HHAT: variants seen among roughly 807,000 people sequenced by gnomAD.
The protein encoded by HHAT is protein-cysteine N-palmitoyltransferase HHAT.
HHAT carries 47 observed loss-of-function variants against 70.8 expected under a neutral mutation model. The ratio of observed to expected loss-of-function variants is 0.66; its 90% CI spans 0.53 to 0.85. The LOEUF (loss-of-function observed/expected upper bound fraction) is 0.85. HHAT is among the 40% of genes least tolerant of loss of function. HHAT has a pLI of 0.00. For missense variants in HHAT, 609 were observed against 604.8 expected, an observed-to-expected ratio of 1.01 and a Z score of -0.07; for synonymous variants, 228 against 247.6, an observed-to-expected ratio of 0.92 and a Z score of 0.74.
chr1:210,607,742 T>TC lies in HHAT; in HGVS notation c.1246-15780dup, dbSNP rs529261489. On this transcript the variant is annotated intron_variant, in intron 10 of 11. Transcript: ENST00000261458. ...CTAGGTTTTCTTTTCTTTTTTTTTT[T>TC]CCCCGTTACTTCTTTTTAACTTAAT... 3.8e-3 allele frequency among the ~76,000 whole-genome samples: 583 copies of TC among 152,006 alleles called. 6 individuals carry two copies. Among genetic ancestry groups the TC allele is most frequent in the African/African-American group, 0.013 (549 of 41,446 alleles).
intron 9 of HHAT, among the ~76,000 whole-genome samples, chr1:210,543,398 A>G (rs762850252): frequency 1.2e-4 from 18 of 151,560 alleles, no homozygotes; most frequent in Non-Finnish European, 2.2e-4. Flanking sequence ...GAATTGTTCA[A>G]ATAATCTCTC....
At chr1:210,382,191 C>T (rs890958285) in intron 3 of HHAT, among the ~76,000 whole-genome samples, 1 of 152,184 alleles carries the variant, frequency 6.6e-6, no homozygotes, top group Non-Finnish European at 1.5e-5. Flanking sequence ...GGAATTTTTT[C>T]TTGTAACTTT....
intron 8 of HHAT, among the ~76,000 whole-genome samples, chr1:210,471,872 C>T (rs540511722): frequency 2.6e-5 from 4 of 152,226 alleles, no homozygotes; most frequent in South Asian, 4.1e-4. Flanking sequence ...TAGCAATTTT[C>T]AATGCATTGT....
intron 9 of HHAT, among the ~76,000 whole-genome samples, chr1:210,565,820 A>G (rs1206350163): frequency 6.6e-6 from 1 of 152,208 alleles, no homozygotes; most frequent in African/African-American, 2.4e-5. Context: ...GTTGTCTAAA[A>G]GTAGAAAGAC....
chr1:210,429,700 C>G (rs945556973), intron 7 of HHAT, among the ~76,000 whole-genome samples: 2 of 151,700 alleles, frequency 1.3e-5, no homozygotes, highest in African/African-American at 4.9e-5. Context: ...ATTGCTAAGT[C>G]AAATCACTTG....
At chr1:210,492,972 C>G (rs967462391) in intron 8 of HHAT, among the ~76,000 whole-genome samples, 3 of 152,002 alleles carry the variant, frequency 2.0e-5, no homozygotes, top group Non-Finnish European at 4.4e-5. Context: ...TAAATAGTTC[C>G]CTTTTCCCTT....
intron 6 of HHAT, among the ~76,000 whole-genome samples, chr1:210,412,870 T>C (rs2092605565): frequency 6.6e-6 from 1 of 152,156 alleles, no homozygotes; most frequent in African/African-American, 2.4e-5. Flanking sequence ...GAAATCTAGG[T>C]GGAGGCAGCC....
chr1:210,599,107 G>A (rs936258677), intron 10 of HHAT, among the ~76,000 whole-genome samples: 16 of 152,202 alleles, frequency 1.1e-4, no homozygotes, highest in African/African-American at 3.9e-4. Flanking sequence ...TATGGTGACA[G>A]AAATGTTAAT....
At chr1:210,637,812 A>T (rs1672159347) in intron 11 of HHAT, among the ~76,000 whole-genome samples, 1 of 141,596 alleles carries the variant, frequency 7.1e-6, no homozygotes, top group Admixed American at 7.4e-5. Context: ...GTGAGCCAAG[A>T]TTGTGCCTCT....
chr1:210,497,766 ATTTT>A (rs574819096), intron 8 of HHAT, among the ~76,000 whole-genome samples: 1 of 135,338 alleles, frequency 7.4e-6, no homozygotes, highest in Non-Finnish European at 1.6e-5. Flanking sequence ...GCTGACTCTA[ATTTT>A]TTTTTTTTTT....
At chr1:210,546,284 G>C (rs1263517466) in intron 9 of HHAT, among the ~76,000 whole-genome samples, 1 of 152,190 alleles carries the variant, frequency 6.6e-6, no homozygotes, top group Non-Finnish European at 1.5e-5. Context: ...GCCATACCAG[G>C]AATCTGAATA....
At chr1:210,625,551 T>G (rs1042557797) in intron 11 of HHAT, among the ~76,000 whole-genome samples, 1 of 152,202 alleles carries the variant, frequency 6.6e-6, no homozygotes, top group African/African-American at 2.4e-5. Flanking sequence ...GGTCACAGGA[T>G]AGAGTAGCTG....
intron 7 of HHAT, among the ~76,000 whole-genome samples, chr1:210,431,499 A>G (rs996983155): frequency 2.0e-5 from 3 of 151,910 alleles, no homozygotes; most frequent in Non-Finnish European, 4.4e-5. Flanking sequence ...TTCATTTAGC[A>G]TTTCTTAGGT....
chr1:210,618,607 C>T (rs1383167265), intron 10 of HHAT, among the ~76,000 whole-genome samples: 2 of 152,218 alleles, frequency 1.3e-5, no homozygotes, highest in African/African-American at 2.4e-5. Context: ...CCTGTCCCCA[C>T]CTCCCGTCTC....
intron 9 of HHAT, among the ~76,000 whole-genome samples, chr1:210,571,900 C>T (rs1656365094): frequency 6.6e-6 from 1 of 152,184 alleles, no homozygotes. Context: ...TGTAAAATGC[C>T]AGCTCTTAAA....
rs3835413 is a variant in HHAT at position 210,411,596 on chromosome 1, T to TA, written c.685-6549dup. On this transcript the variant is annotated intron_variant, in intron 6 of 11. Coordinates refer to ENST00000261458, the MANE Select transcript of HHAT (RefSeq NM_018194.6). ...CGGTGAAACTCAGCTCTACAAAAAA[T>TA]AAAAAAAAATCAGCCAGGCGTGGTG... Among the ~76,000 whole-genome samples the TA allele has an allele frequency of 6.1e-3, 925 of 150,874 alleles. 12 individuals carry two copies. Among genetic ancestry groups the TA allele is most frequent in the African/African-American group, 0.022 (887 of 41,068 alleles).
intron 7 of HHAT, among the ~76,000 whole-genome samples, chr1:210,440,904 C>T (rs539867680): frequency 1.3e-5 from 2 of 152,244 alleles, no homozygotes; most frequent in South Asian, 2.1e-4. Flanking sequence ...GTAGGAGAAA[C>T]CAACTTTGGA....
At chr1:210,647,559 C>T (rs573365652) in intron 11 of HHAT, among the ~76,000 whole-genome samples, 89 of 152,266 alleles carry the variant, frequency 5.8e-4, no homozygotes, top group Non-Finnish European at 1.1e-3. Context: ...ATCCTCCCTG[C>T]TTCCCACCGC....
intron 7 of HHAT, among the ~76,000 whole-genome samples, chr1:210,441,441 A>G (rs1306349327): frequency 4.6e-5 from 7 of 152,202 alleles, no homozygotes; most frequent in Admixed American, 3.9e-4. Flanking sequence ...TTTCCAATCA[A>G]TCTTTCTCTG....
Sources: gnomAD v4.1 joint callset for allele counts (sites outside exome capture counted in the v4.1 genomes callset) on GRCh38, gnomAD v4.1.1 for gene constraint, MANE v1.5 for transcripts, NCBI Gene and HGNC (gene_info 2026-07-23, HGNC 2026-07-21) for gene names.